The following TCF3 variants were observed in gnomAD, a reference collection of about 807,000 sequenced individuals.
TCF3 encodes transcription factor E2-alpha.
TCF3 carries 54 observed loss-of-function variants against 72.3 expected under a neutral mutation model. That is an observed-to-expected ratio of 0.75 (90% CI 0.60 to 0.94). The LOEUF (loss-of-function observed/expected upper bound fraction) is 0.94. Among genes scored for constraint, TCF3 ranks in the 40% least tolerant of loss-of-function variants. The probability of loss-of-function intolerance (pLI) is 0.00; values close to 1 mark genes in which losing one functional copy is unlikely to be tolerated. For synonymous variants in TCF3, 525 were observed against 412.6 expected, an observed-to-expected ratio of 1.27 and a Z score of -3.30; for missense variants, 1,078 against 934.4, an observed-to-expected ratio of 1.15 and a Z score of -2.00.
At chr19:1,636,670 C>T (rs2064452208) in intron 3 of TCF3, among the ~76,000 whole-genome samples, 1 of 152,106 alleles carries the variant, frequency 6.6e-6, no homozygotes, top group African/African-American at 2.4e-5. Flanking sequence ...TGCAGCCGCC[C>T]TGGGTTTATC....
intron 3 of TCF3, among the ~76,000 whole-genome samples, chr19:1,637,552 A>C (rs921925104): frequency 6.6e-6 from 1 of 152,132 alleles, no homozygotes; most frequent in Non-Finnish European, 1.5e-5. Context: ...TTCCATGTCT[A>C]TGGGCATCAC....
intron 16 of TCF3, among the ~76,000 whole-genome samples, chr19:1,618,729 C>G (rs935988396): frequency 6.6e-6 from 1 of 152,170 alleles, no homozygotes; most frequent in Non-Finnish European, 1.5e-5. Flanking sequence ...CCATACAAAA[C>G]CCCCAACCCA....
intron 3 of TCF3, among the ~76,000 whole-genome samples, chr19:1,641,838 C>A (rs1467351196): frequency 6.6e-6 from 1 of 152,010 alleles, no homozygotes; most frequent in Non-Finnish European, 1.5e-5. Context: ...GGCAATTCTC[C>A]CATCTCAACC....
chr19:1,624,330 A>T (rs1214879437), intron 7 of TCF3, among the ~76,000 whole-genome samples: 1 of 152,184 alleles, frequency 6.6e-6, no homozygotes, highest in East Asian at 1.9e-4. Context: ...CGGGAGGCAG[A>T]GGCTGCAGTG....
rs773362428 is a variant in TCF3, at chr19:1,625,800, T to A, written c.367-92A>T. 4.3e-6 allele frequency: 6 copies of A among 1,393,286 alleles called. No homozygotes were observed. The African/African-American group carries it at 6.1e-5, about 14-fold the overall frequency. 86.3% of individuals were successfully genotyped at this position (1,393,286 alleles called of 1,614,324 possible). On this transcript the variant is annotated intron_variant, in intron 6 of 18. Transcript: ENST00000262965. ...AAAAAACTGCAAAGGCCGAAGCCACTCAGACCCGCCCTGCAGTGGGTGATG... is the reference window on the plus strand; with the variant it reads ...AAAAAACTGCAAAGGCCGAAGCCACACAGACCCGCCCTGCAGTGGGTGATG...
Position 1,615,705 on chromosome 19 carries a change from C to A in TCF3, c.1567G>T (p.Ala523Ser), listed in dbSNP as rs779129271. 1 of 1,613,274 alleles carries A rather than the reference C, an allele frequency of 6.2e-7. No homozygotes were observed. The change falls in exon 17 of 19, where the codon GCC (alanine) becomes TCC (serine). Residue 523 changes from alanine to serine, a missense_variant. Coordinates refer to ENST00000262965, the MANE Select transcript of TCF3 (RefSeq NM_003200.5). The surrounding 1 kb of genome is among the most constrained non-coding windows in gnomAD (Gnocchi z 7.3). ...TGGCACCTGGTCCGGGCCCGGGGGG[C>A]CTTCAGCTCCTTCTTCTCCTCCTCC... ...HSEEEKKELK[A>S]PRARTSPDED... is the part of the protein sequence containing the mutation.
chr19:1,615,673 G>C lies in TCF3; in HGVS notation c.1586+13C>G, dbSNP rs761561513. On this transcript the variant is annotated intron_variant, in intron 17 of 18. Transcript: ENST00000262965. The surrounding 1 kb of genome is among the most constrained non-coding windows in gnomAD (Gnocchi z 7.3). ...GGGGTGAGGGTGGGGAGTGCCGAGG[G>C]GTGGGTTGGCACCTGGTCCGGGCCC... 1 of 1,613,328 alleles carries C rather than the reference G, an allele frequency of 6.2e-7. No homozygotes were observed. Among genetic ancestry groups the C allele is most frequent in the East Asian group, 2.2e-5 (1 of 44,864 alleles).
chr19:1,624,854 T>G (rs1245765766), intron 7 of TCF3, among the ~76,000 whole-genome samples: 1 of 152,180 alleles, frequency 6.6e-6, no homozygotes, highest in African/African-American at 2.4e-5. Flanking sequence ...GATTTCACGC[T>G]TATTTTTTTC....
Position 1,629,049 on chromosome 19 carries a change from C to T in TCF3, c.299-1623G>A, listed in dbSNP as rs10406386. On this transcript the variant is annotated intron_variant, in intron 5 of 18. Coordinates refer to ENST00000262965, the MANE Select transcript of TCF3 (RefSeq NM_003200.5). Reference sequence around the variant, plus strand: ...GGACAGCAGAGCTCACGGGGTGAGGCGGGAAGGGGACAGCAGAGCTCACGG... The same window carrying T: ...GGACAGCAGAGCTCACGGGGTGAGGTGGGAAGGGGACAGCAGAGCTCACGG... Among the ~76,000 whole-genome samples the T allele has an allele frequency of 2.0e-4, 10 of 50,598 alleles. 1 individual carries two copies. The highest frequency in any genetic ancestry group is 8.5e-4 in the African/African-American group (6 of 7,056). The allele number at this position is 50,598 out of a possible 152,430, so 33.2% of individuals were successfully genotyped here. A position where few individuals can be genotyped will look rare whatever the true frequency, so the allele number is the denominator to read the frequency against.
intron 3 of TCF3, among the ~76,000 whole-genome samples, chr19:1,638,926 C>T (rs1428660644): frequency 2.0e-5 from 3 of 152,162 alleles, no homozygotes; most frequent in East Asian, 1.9e-4. Flanking sequence ...AACACGGTGC[C>T]GACCAAAGAC....
chr19:1,651,340 A>T, intron 1 of TCF3: 1 of 228,182 alleles, frequency 4.4e-6, no homozygotes, highest in East Asian at 6.2e-5. Flanking sequence ...TCAGAAGCAG[A>T]GAAATCCCCT....
Position 1,611,752 on chromosome 19 carries a change from G to A in TCF3, c.1920C>T (p.Pro640=). The change falls in exon 19 of 19, where the codon CCC becomes CCT. Residue 640 remains proline (P), a synonymous_variant. Transcript: ENST00000262965. The part of the protein sequence containing the change: ...VGDPQMVLSA[P]HPGLSEAHNP... ...TGTGGGCTTCGCTCAGGCCTGGGTG[G>A]GGAGCTGAAAGCACCATCTGGGGGT... 6.2e-7 allele frequency: 1 copy of A among 1,613,798 alleles called. No individual in the cohort carries two copies. The highest frequency in any genetic ancestry group is 1.1e-5 in the South Asian group (1 of 91,072).
Position 1,646,420 on chromosome 19 carries a change from G to T in TCF3, c.80C>A (p.Pro27Gln), listed in dbSNP as rs747413868. ...SDLLDFSMMF[P>Q]LPVTNGKGRP... Reference sequence around the variant, plus strand: ...GCCCTTCCCGTTGGTGACAGGCAGCGGGAACATCTGCAGGGAGGGGAGGGG... The same window carrying T: ...GCCCTTCCCGTTGGTGACAGGCAGCTGGAACATCTGCAGGGAGGGGAGGGG... Residue 27 changes from proline to glutamine, a missense_variant, in exon 3 of 19, where the codon CCG becomes CAG. Transcript: ENST00000262965. 1.5e-5 allele frequency: 24 copies of T among 1,550,066 alleles called. No individual in the cohort carries two copies. The highest frequency in any genetic ancestry group is 2.0e-5 in the Non-Finnish European group (23 of 1,146,730).
chr19:1,626,510 C>T (rs1376689000), intron 6 of TCF3, among the ~76,000 whole-genome samples: 1 of 152,106 alleles, frequency 6.6e-6, no homozygotes, highest in East Asian at 1.9e-4. Flanking sequence ...GGTGGCCCAG[C>T]GCCCAGGACA....
Position 1,610,129 on chromosome 19 carries a change from C to G in TCF3, c.*1578G>C, listed in dbSNP as rs980350124. ...GCTGGTTACCCTCATGGCAAAAGAC[C>G]AGAAAAGGAGACCTGGAGAGAGGCC... On this transcript the variant is annotated 3_prime_UTR_variant, in exon 19 of 19. Coordinates refer to ENST00000262965, the MANE Select transcript of TCF3 (RefSeq NM_003200.5). 1 of 232,468 alleles carries G rather than the reference C, an allele frequency of 4.3e-6. No individual in the cohort carries two copies. The highest frequency in any genetic ancestry group is 2.2e-5 in the African/African-American group (1 of 45,258). 14.4% of individuals were successfully genotyped at this position (232,468 alleles called of 1,614,324 possible).
intron 2 of TCF3, among the ~76,000 whole-genome samples, chr19:1,647,497 G>A (rs2066300522): frequency 1.3e-5 from 2 of 152,210 alleles, no homozygotes; most frequent in African/African-American, 4.8e-5. Context: ...CCCTGGTCCT[G>A]CAGAAGGGGA....
chr19:1,637,017 T>C (rs1221503459), intron 3 of TCF3, among the ~76,000 whole-genome samples: 1 of 152,156 alleles, frequency 6.6e-6, no homozygotes, highest in Non-Finnish European at 1.5e-5. Context: ...ACAGTGAGGC[T>C]GTGCGGGCAA....
intron 6 of TCF3, 137 bp downstream of exon 6, chr19:1,627,222 C>G: frequency 6.6e-6 from 2 of 304,624 alleles, no homozygotes; most frequent in Non-Finnish European, 6.5e-6. Flanking sequence ...CCCACCCTGG[C>G]CCAAGCCCAG....
In TCF3 at chr19:1,646,440, GA is replaced by G; in HGVS notation, c.73-14del. On this transcript the variant is annotated splice_polypyrimidine_tract_variant and intron_variant, in intron 2 of 18. Transcript: ENST00000262965. ...GCAGCGGGAACATCTGCAGGGAGGGGAGGGGAGACGTGAGCGGGGCGGGTGG... is the reference window on the plus strand; with the variant it reads ...GCAGCGGGAACATCTGCAGGGAGGGGGGGGAGACGTGAGCGGGGCGGGTGG... 1 of 1,549,158 alleles carries G rather than the reference GA, an allele frequency of 6.5e-7. No homozygotes were observed. The highest frequency in any genetic ancestry group is 8.7e-7 in the Non-Finnish European group (1 of 1,145,978).
Sources: gnomAD v4.1 joint callset for allele counts (sites outside exome capture counted in the v4.1 genomes callset) on GRCh38, gnomAD v4.1.1 for gene constraint, Gnocchi (gnomAD v3.1) non-coding constraint, MANE v1.5 for transcripts, NCBI Gene and HGNC (gene_info 2026-07-23, HGNC 2026-07-21) for gene names.